The following NARS2 variants were observed in gnomAD, a reference collection of about 807,000 sequenced individuals.
The protein encoded by NARS2 is asparaginyl-tRNA synthetase.
A neutral mutation model predicts 62.9 loss-of-function variants in NARS2; 60 were observed. That is an observed-to-expected ratio of 0.95 (90% CI 0.77 to 1.18). NARS2 has a LOEUF of 1.18. NARS2 is among the 50% of genes most tolerant of loss of function. The pLI, the probability that NARS2 is intolerant of heterozygous loss-of-function variation, is 0.00. For missense variants in NARS2, 619 were observed against 576.4 expected (o/e 1.07, Z -0.76); for synonymous variants, 196 against 200.0 (o/e 0.98, Z 0.17).
At chr11:78,515,392 A>G (rs866462536) in intron 6 of NARS2, among the ~76,000 whole-genome samples, 7 of 152,296 alleles carry the variant, frequency 4.6e-5, no homozygotes, top group Non-Finnish European at 8.8e-5. Flanking sequence ...GGTTGGGGGT[A>G]GGAGAAAATG....
intron 5 of NARS2, among the ~76,000 whole-genome samples, chr11:78,539,267 T>A (rs909197605): frequency 1.3e-5 from 2 of 151,626 alleles, no homozygotes; most frequent in African/African-American, 4.9e-5. Context: ...ACTGGTAACA[T>A]TGGAAACAGA....
chr11:78,496,196 G>T (rs1195825512), intron 6 of NARS2, among the ~76,000 whole-genome samples: 2 of 152,238 alleles, frequency 1.3e-5, no homozygotes, highest in African/African-American at 4.8e-5. Context: ...TAATCTTTAA[G>T]CAGATGAATG....
At chr11:78,484,318 A>G (rs1011055384) in intron 7 of NARS2, among the ~76,000 whole-genome samples, 3 of 152,204 alleles carry the variant, frequency 2.0e-5, no homozygotes, top group Non-Finnish European at 4.4e-5. Flanking sequence ...ACCATTCAGG[A>G]CACAGGCATA....
chr11:78,574,458 CG>C lies in NARS2; in HGVS notation c.30del (p.Val11CysfsTer18). Reference protein sequence around the residue: MLGVRCLLRSVRFCSSAPFP... With the variant: MLGVRCLLRXVRFCSSAPFP... ...AAGGGGGCGGAGGAACAGAAGCGCA[CG>C]GACCGCAGCAGGCAGCGGACCCCCA... On this transcript the variant is annotated frameshift_variant, in exon 1 of 14. Transcript: ENST00000281038. LOFTEE classifies it high-confidence loss of function. 6.2e-7 allele frequency: 1 copy of C among 1,613,658 alleles called. No individual in the cohort carries two copies. The highest frequency in any genetic ancestry group is 8.5e-7 in the Non-Finnish European group (1 of 1,179,856).
In NARS2 at chr11:78,488,333, T is replaced by C. The variant is rs113446581; in HGVS notation, c.822+4730A>G. Among the ~76,000 whole-genome samples the C allele has an allele frequency of 2.4e-3, 370 of 152,080 alleles. 1 individual carries two copies. Among genetic ancestry groups the C allele is most frequent in the African/African-American group, 8.1e-3 (335 of 41,442 alleles). ...GGTGGGACTAATGTAATCACAAGGATCCTTTACGTGAAAGAGGGAGGCATG... is the reference window on the plus strand; with the variant it reads ...GGTGGGACTAATGTAATCACAAGGACCCTTTACGTGAAAGAGGGAGGCATG... On this transcript the variant is annotated intron_variant, in intron 7 of 13. Coordinates refer to ENST00000281038, the MANE Select transcript of NARS2 (RefSeq NM_024678.6).
At chr11:78,556,996 C>A (rs921688621) in intron 5 of NARS2, among the ~76,000 whole-genome samples, 16 of 152,192 alleles carry the variant, frequency 1.1e-4, no homozygotes, top group Non-Finnish European at 1.8e-4. Context: ...ATCTTGAACA[C>A]AGATGGCACC....
chr11:78,503,855 A>G (rs375981935), intron 6 of NARS2, among the ~76,000 whole-genome samples: 2 of 152,088 alleles, frequency 1.3e-5, no homozygotes, highest in Non-Finnish European at 2.9e-5. Flanking sequence ...GGAGGAGGAG[A>G]AGGAAGAAGA....
At chr11:78,439,881 T>C (rs886149981) in intron 13 of NARS2, among the ~76,000 whole-genome samples, 3 of 152,044 alleles carry the variant, frequency 2.0e-5, no homozygotes, top group Non-Finnish European at 2.9e-5. Context: ...GAAGAAAAAG[T>C]CTGCATAAGG....
intron 5 of NARS2, among the ~76,000 whole-genome samples, chr11:78,553,625 T>C (rs1856214503): frequency 6.6e-6 from 1 of 152,154 alleles, no homozygotes; most frequent in South Asian, 2.1e-4. Flanking sequence ...TTTTCTCTTC[T>C]AAGTAAGTTC....
chr11:78,509,675 T>C (rs2135383399), intron 6 of NARS2, among the ~76,000 whole-genome samples: 1 of 151,976 alleles, frequency 6.6e-6, no homozygotes, highest in South Asian at 2.1e-4. Context: ...TGTATAAAGA[T>C]GTAATTTTGT....
chr11:78,441,173 C>G lies in NARS2; in HGVS notation c.1263-56G>C, dbSNP rs774190090. The G allele has an allele frequency of 2.8e-4, 419 of 1,489,518 alleles. 1 individual carries two copies. Among genetic ancestry groups the G allele is most frequent in the Admixed American group, 1.7e-3 (94 of 54,938 alleles). The allele number at this position is 1,489,518 out of a possible 1,614,324, so 92.3% of individuals were successfully genotyped here. On this transcript the variant is annotated intron_variant, in intron 12 of 13. Transcript: ENST00000281038. Reference sequence around the variant, plus strand: ...GAACGGCAATAAGATAAATATTAACCACTAGACATTTATTCTGGGTGTGTG... The same window carrying G: ...GAACGGCAATAAGATAAATATTAACGACTAGACATTTATTCTGGGTGTGTG...
intron 10 of NARS2, among the ~76,000 whole-genome samples, chr11:78,468,310 G>GGAAAAAAAAAAAAAAAA (rs1555015326): frequency 4.0e-3 from 266 of 67,058 alleles, no homozygotes; most frequent in Middle Eastern, 7.8e-3. Flanking sequence ...CACTAAATCT[G>GGAAAAAAAAAAAAAAAA]AAAAAAAAAA....
chr11:78,498,272 T>TACCCTCGCCTCTTGAAAC (rs1364357901), intron 6 of NARS2, among the ~76,000 whole-genome samples: 1 of 152,216 alleles, frequency 6.6e-6, no homozygotes, highest in Non-Finnish European at 1.5e-5. Flanking sequence ...CACCTTGAAA[T>TACCCTCGCCTCTTGAAAC]ACCCTCGCCT....
At chr11:78,448,809 G>C (rs889737136) in intron 11 of NARS2, among the ~76,000 whole-genome samples, 6 of 152,156 alleles carry the variant, frequency 3.9e-5, no homozygotes, top group African/African-American at 1.4e-4. Context: ...CAGTTCATGA[G>C]CATCAAATGA....
At chr11:78,500,392 T>C (rs114227681) in intron 6 of NARS2, among the ~76,000 whole-genome samples, 2,299 of 152,328 alleles carry the variant, frequency 0.015, 60 homozygotes, top group African/African-American at 0.053. Flanking sequence ...ACACCAACTA[T>C]ATGGTAAGAG....
chr11:78,453,152 C>A (rs1591135487), intron 11 of NARS2, among the ~76,000 whole-genome samples: 1 of 152,166 alleles, frequency 6.6e-6, no homozygotes, highest in African/African-American at 2.4e-5. Flanking sequence ...CTTTTACTCT[C>A]CTACACAGGT....
chr11:78,529,373 T>A (rs1861402223), intron 5 of NARS2, among the ~76,000 whole-genome samples: 1 of 152,234 alleles, frequency 6.6e-6, no homozygotes, highest in Non-Finnish European at 1.5e-5. Flanking sequence ...ATATTAATAG[T>A]AATGCTTTTA....
At chr11:78,514,739 A>T (rs1177665563) in intron 6 of NARS2, among the ~76,000 whole-genome samples, 3 of 152,196 alleles carry the variant, frequency 2.0e-5, no homozygotes, top group African/African-American at 4.8e-5. Flanking sequence ...GGAATTCAAT[A>T]CTAGAAACGG....
intron 5 of NARS2, among the ~76,000 whole-genome samples, chr11:78,538,614 G>A (rs775108047): frequency 6.6e-6 from 1 of 152,144 alleles, no homozygotes; most frequent in Non-Finnish European, 1.5e-5. Context: ...CCAGTAGAGA[G>A]ATCAGTACGT....
Sources: gnomAD v4.1 joint callset for allele counts (sites outside exome capture counted in the v4.1 genomes callset) on GRCh38, gnomAD v4.1.1 for gene constraint, MANE v1.5 for transcripts, NCBI Gene and HGNC (gene_info 2026-07-23, HGNC 2026-07-21) for gene names.